The following MKLN1 variants were observed in gnomAD, a reference collection of about 807,000 sequenced individuals.
The protein encoded by MKLN1 is muskelin 1.
MKLN1 carries 18 observed loss-of-function variants against 99.0 expected under a neutral mutation model. The ratio of observed to expected loss-of-function variants is 0.18; its 90% CI spans 0.13 to 0.27. The LOEUF is 0.27. Among genes scored for constraint, MKLN1 ranks in the 10% least tolerant of loss-of-function variants. The pLI is 1.00. For synonymous variants in MKLN1, 288 were observed against 293.2 expected (o/e 0.98, Z 0.18); for missense variants, 621 against 875.9 (o/e 0.71, Z 3.67).
chr7:131,182,895 C>T (rs141953571), intron 2 of MKLN1, among the ~76,000 whole-genome samples: 1 of 152,340 alleles, frequency 6.6e-6, no homozygotes, highest in East Asian at 1.9e-4. Context: ...GTGGGTTACA[C>T]ATGCATTGAT....
At chr7:131,468,320 C>T (rs944378727) in intron 15 of MKLN1, among the ~76,000 whole-genome samples, 1 of 152,126 alleles carries the variant, frequency 6.6e-6, no homozygotes, top group Non-Finnish European at 1.5e-5. Context: ...TGAGGGACAT[C>T]GCTACATTAT....
intron 2 of MKLN1, among the ~76,000 whole-genome samples, chr7:131,202,239 A>G (rs977012988): frequency 3.4e-4 from 45 of 132,144 alleles, no homozygotes; most frequent in Non-Finnish European, 7.7e-5. Context: ...AGCTCACTGC[A>G]ACCTCTGCCT....
chr7:131,292,157 T>C (rs758008555), intron 3 of MKLN1, among the ~76,000 whole-genome samples: 9 of 152,140 alleles, frequency 5.9e-5, no homozygotes, highest in Non-Finnish European at 1.3e-4. Flanking sequence ...CTAGTCAAAT[T>C]TGAGGCAAGT....
chr7:131,465,617 C>T (rs1029709712), intron 14 of MKLN1, among the ~76,000 whole-genome samples: 5 of 152,084 alleles, frequency 3.3e-5, no homozygotes, highest in African/African-American at 1.2e-4. Flanking sequence ...CTGCTCACTG[C>T]AAGCTCTGCC....
intron 2 of MKLN1, among the ~76,000 whole-genome samples, chr7:131,172,925 C>T (rs1328006919): frequency 2.0e-5 from 3 of 151,940 alleles, no homozygotes; most frequent in African/African-American, 7.3e-5. Flanking sequence ...ATTTTGATCC[C>T]CAGCATATGA....
In MKLN1 at chr7:131,254,109, C is replaced by G. The variant is rs190378430; in HGVS notation, c.-179+51135C>G. 1.4e-4 allele frequency among the ~76,000 whole-genome samples: 21 copies of G among 152,288 alleles called. 1 individual carries two copies. Among genetic ancestry groups the G allele is most frequent in the African/African-American group, 5.1e-4 (21 of 41,552 alleles). On this transcript the variant is annotated intron_variant, in intron 3 of 7. Coordinates refer to the MKLN1 transcript ENST00000416992. ...ATACCAACAGAGGCAGAGAACGTAA[C>G]AGAGAGAGAGCAGGGAAAGAGACAG...
At chr7:131,400,057 C>CT (rs35178760) in intron 6 of MKLN1, among the ~76,000 whole-genome samples, 4,593 of 148,278 alleles carry the variant, frequency 0.031, 90 homozygotes, top group South Asian at 0.049. Flanking sequence ...TATAGTATGA[C>CT]TTTTTTTTTT....
chr7:131,132,176 A>G (rs1795561632), intron 1 of MKLN1, among the ~76,000 whole-genome samples: 3 of 152,240 alleles, frequency 2.0e-5, no homozygotes, highest in African/African-American at 4.8e-5. Flanking sequence ...TTCAAGTGCA[A>G]AAGATCTCAA....
At chr7:131,384,945 C>A (rs1793964232) in intron 2 of MKLN1, among the ~76,000 whole-genome samples, 1 of 152,176 alleles carries the variant, frequency 6.6e-6, no homozygotes, top group Non-Finnish European at 1.5e-5. Context: ...ACATTTAGTG[C>A]ATTTACAGAA....
intron 1 of MKLN1, among the ~76,000 whole-genome samples, chr7:131,372,751 C>G (rs1212464636): frequency 8.5e-6 from 1 of 117,122 alleles, no homozygotes; most frequent in Non-Finnish European, 1.7e-5. Flanking sequence ...AGATAAAGTT[C>G]TAAGAAGTGA....
At chr7:131,422,093 AG>A (rs1339321100) in intron 8 of MKLN1, among the ~76,000 whole-genome samples, 1 of 152,248 alleles carries the variant, frequency 6.6e-6, no homozygotes, top group African/African-American at 2.4e-5. Context: ...TATAGTTTAA[AG>A]AAGCCCAGTT....
At position 131,487,938 on chromosome 7, in the gene MKLN1, A is replaced by T; in HGVS notation, c.*210A>T. On this transcript the variant is annotated 3_prime_UTR_variant, in exon 18 of 18. Transcript: ENST00000352689. This position sits in a 1 kb window ranked among gnomAD's most constrained non-coding sequence, Gnocchi z 4.7. ...TCCTATTCCTAAATTAGGCTAATAA[A>T]GTGAAATTGGTATACTTTCCAGTTA... The T allele has an allele frequency of 3.2e-6, 1 of 314,366 alleles. No individual in the cohort carries two copies. 19.5% of individuals were successfully genotyped at this position (314,366 alleles called of 1,614,324 possible).
In MKLN1 at chr7:131,192,205, ATATAT is replaced by A. The variant is rs1563247502; in HGVS notation, c.-296-10651_-296-10647del. Among the ~76,000 whole-genome samples, 25 of 70,090 alleles carry A rather than the reference ATATAT, an allele frequency of 3.6e-4. 6 individuals carry two copies. The highest frequency in any genetic ancestry group is 1.5e-3 in the African/African-American group (23 of 15,158). The allele number at this position is 70,090 out of a possible 152,430, so 46.0% of individuals were successfully genotyped here. Reference sequence around the variant, plus strand: ...AAATATATAAAATATAATATATACAATATATAAATATATAAAATATATACAATATA... The same window carrying A: ...AAATATATAAAATATAATATATACAAAAATATATAAAATATATACAATATA... On this transcript the variant is annotated intron_variant, in intron 2 of 7. Coordinates refer to the MKLN1 transcript ENST00000416992.
At chr7:131,193,525 A>G (rs1796597539) in intron 2 of MKLN1, among the ~76,000 whole-genome samples, 1 of 151,756 alleles carries the variant, frequency 6.6e-6, no homozygotes, top group Admixed American at 6.6e-5. Context: ...CACCACCATG[A>G]CGAGCCAAGT....
In MKLN1 at chr7:131,491,971, T is replaced by TG. The variant is rs1372321331; in HGVS notation, c.*4244dup. ...GCAAATGCTCTATTATCCTTATTTA[T>TG]GACAAGAGAATAATGAAATTCATAA... On this transcript the variant is annotated 3_prime_UTR_variant, in exon 18 of 18. Coordinates refer to ENST00000352689, the MANE Select transcript of MKLN1 (RefSeq NM_013255.5). The TG allele has an allele frequency of 3.3e-5, 5 of 152,616 alleles. No individual in the cohort carries two copies. In the East Asian group the frequency reaches 7.7e-4, roughly 24 times the overall value. The allele number at this position is 152,616 out of a possible 1,614,324, so 9.5% of individuals were successfully genotyped here.
chr7:131,290,674 A>G (rs559846074), intron 3 of MKLN1, among the ~76,000 whole-genome samples: 3 of 152,248 alleles, frequency 2.0e-5, no homozygotes, highest in Non-Finnish European at 2.9e-5. Context: ...AATAGAGATG[A>G]TCTCCCTTCC....
intron 1 of MKLN1, among the ~76,000 whole-genome samples, chr7:131,137,925 CT>C (rs58860730): frequency 0.14 from 16,529 of 118,480 alleles, 1,048 homozygotes; most frequent in East Asian, 0.26. Context: ...TCTTTCTTTA[CT>C]TTTTTTTTTT....
intron 3 of MKLN1, among the ~76,000 whole-genome samples, chr7:131,293,774 C>T (rs1307930448): frequency 1.3e-5 from 2 of 152,146 alleles, no homozygotes; most frequent in African/African-American, 4.8e-5. Context: ...CCACTGCTCT[C>T]TAGCCTGGGC....
intron 3 of MKLN1, among the ~76,000 whole-genome samples, chr7:131,247,357 G>A (rs560512163): frequency 1.3e-5 from 2 of 151,598 alleles, no homozygotes; most frequent in South Asian, 4.2e-4. Context: ...GGGATTACAG[G>A]CACACGCACC....
Sources: gnomAD v4.1 joint callset for allele counts (sites outside exome capture counted in the v4.1 genomes callset) on GRCh38, gnomAD v4.1.1 for gene constraint, Gnocchi (gnomAD v3.1) non-coding constraint, MANE v1.5 for transcripts, NCBI Gene and HGNC (gene_info 2026-07-23, HGNC 2026-07-21) for gene names.